Variants in MAGI2 observed in about 807,000 individuals in gnomAD.
The protein encoded by MAGI2 is membrane-associated guanylate kinase, WW and PDZ domain-containing protein 2.
A neutral mutation model predicts 133.3 loss-of-function variants in MAGI2; 35 were observed. The observed-to-expected ratio is 0.26, with a 90% CI of 0.20 to 0.35. MAGI2 has a LOEUF of 0.35. MAGI2 is among the 10% of genes least tolerant of loss of function. The pLI is 1.00. For missense variants in MAGI2, 1,636 were observed against 1,863.4 expected (o/e 0.88, Z 2.25); for synonymous variants, 729 against 710.6 (o/e 1.03, Z -0.41).
At chr7:78,306,200 G>GT (rs1798233442) in intron 9 of MAGI2, among the ~76,000 whole-genome samples, 1 of 152,136 alleles carries the variant, frequency 6.6e-6, no homozygotes, top group Non-Finnish European at 1.5e-5. Context: ...TAATTGGCAG[G>GT]TCTTTTTAAG....
chr7:78,536,138 A>C (rs905004361), intron 3 of MAGI2, among the ~76,000 whole-genome samples: 3 of 73,492 alleles, frequency 4.1e-5, no homozygotes, highest in Non-Finnish European at 7.0e-5. Flanking sequence ...TTTGAGACGG[A>C]GTCTCGCTCT....
intron 9 of MAGI2, among the ~76,000 whole-genome samples, chr7:78,334,655 C>T (rs1485018478): frequency 6.6e-6 from 1 of 152,162 alleles, no homozygotes; most frequent in Non-Finnish European, 1.5e-5. Flanking sequence ...GTTTGCAAAG[C>T]TGTACAGTAG....
intron 2 of MAGI2, among the ~76,000 whole-genome samples, chr7:78,737,708 T>C (rs1323788768): frequency 6.6e-6 from 1 of 152,192 alleles, no homozygotes; most frequent in East Asian, 1.9e-4. Flanking sequence ...CTATTTTTTG[T>C]TTTGGAAAAT....
chr7:79,379,324 A>G (rs375861078), intron 1 of MAGI2, among the ~76,000 whole-genome samples: 9 of 151,802 alleles, frequency 5.9e-5, no homozygotes, highest in Non-Finnish European at 1.0e-4. Flanking sequence ...GTATTCCATG[A>G]TGTATATGTG....
rs568810969 is a variant in MAGI2 at position 78,087,361 on chromosome 7, T to C, written c.3568-8276A>G. Among the ~76,000 whole-genome samples, 7 of 152,318 alleles carry C rather than the reference T, an allele frequency of 4.6e-5. 1 individual carries two copies. The South Asian group carries it at 1.5e-3, about 32-fold the overall frequency. On this transcript the variant is annotated intron_variant, in intron 20 of 21. Transcript: ENST00000354212. ...AATTCTAATTTGGTTTCATAATATA[T>C]GTCAACCAGGTTTGATCATGATCAA...
intron 1 of MAGI2, among the ~76,000 whole-genome samples, chr7:79,257,699 T>G (rs1333079167): frequency 6.6e-6 from 1 of 152,198 alleles, no homozygotes; most frequent in African/African-American, 2.4e-5. Context: ...TGGGGACTGC[T>G]CTAAAACAAA....
At chr7:79,068,233 C>T (rs111622643) in intron 1 of MAGI2, among the ~76,000 whole-genome samples, 19 of 152,232 alleles carry the variant, frequency 1.2e-4, no homozygotes, top group African/African-American at 3.6e-4. Flanking sequence ...CCATCTGGTC[C>T]TGGACTTCTT....
At chr7:79,375,917 T>A (rs1585753909) in intron 1 of MAGI2, among the ~76,000 whole-genome samples, 1 of 151,952 alleles carries the variant, frequency 6.6e-6, no homozygotes. Context: ...ATCAGATATA[T>A]GCTTTAAATG....
At chr7:78,701,042 T>C (rs1191687404) in intron 2 of MAGI2, among the ~76,000 whole-genome samples, 1 of 151,456 alleles carries the variant, frequency 6.6e-6, no homozygotes, top group East Asian at 1.9e-4. Context: ...AAGTCTACAA[T>C]ATATTTTGTT....
At chr7:79,409,464 G>GT (rs113037002) in intron 1 of MAGI2, among the ~76,000 whole-genome samples, 19,551 of 145,816 alleles carry the variant, frequency 0.13, 1,408 homozygotes, top group South Asian at 0.27. Context: ...TTTTCTTTCT[G>GT]TTTTTTTTTT....
At chr7:78,119,281 C>T (rs559207466) in intron 20 of MAGI2, among the ~76,000 whole-genome samples, 3 of 152,194 alleles carry the variant, frequency 2.0e-5, no homozygotes, top group East Asian at 1.9e-4. Context: ...CGACACCGGC[C>T]GGGGGCAGTG....
At chr7:78,083,444 CAG>C (rs1816273973) in intron 20 of MAGI2, among the ~76,000 whole-genome samples, 1 of 102,108 alleles carries the variant, frequency 9.8e-6, no homozygotes, top group South Asian at 3.2e-4. Flanking sequence ...GAGAGAGAGA[CAG>C]AGATACTAAA....
chr7:78,577,084 C>A (rs28439811), intron 3 of MAGI2, among the ~76,000 whole-genome samples: 13,300 of 152,184 alleles, frequency 0.087, 1,499 homozygotes, highest in East Asian at 0.51. Flanking sequence ...TACTTAACAC[C>A]GTGCTTTCTA....
intron 10 of MAGI2, among the ~76,000 whole-genome samples, chr7:78,220,846 G>A (rs1187052710): frequency 1.3e-5 from 2 of 152,208 alleles, no homozygotes; most frequent in African/African-American, 2.4e-5. Context: ...TTGTCCTGCT[G>A]TGTTAGGAAA....
chr7:78,481,406 C>A (rs1792358428), intron 6 of MAGI2, among the ~76,000 whole-genome samples: 1 of 151,874 alleles, frequency 6.6e-6, no homozygotes, highest in Admixed American at 6.6e-5. Flanking sequence ...GGCAAACTGC[C>A]CCATAATTCA....
At chr7:78,512,266 G>A (rs150092561) in intron 4 of MAGI2, among the ~76,000 whole-genome samples, 1 of 152,110 alleles carries the variant, frequency 6.6e-6, no homozygotes, top group Non-Finnish European at 1.5e-5. Context: ...GGGAGAAAAC[G>A]TAAGTCTAGA....
At chr7:78,480,297 A>T (rs2215933) in intron 6 of MAGI2, among the ~76,000 whole-genome samples, 55,630 of 151,194 alleles carry the variant, frequency 0.37, 10,584 homozygotes, top group East Asian at 0.6. Context: ...TCTTTTCCAG[A>T]AAACAGAAGA....
At chr7:78,892,950 A>G (rs1271672241) in intron 2 of MAGI2, among the ~76,000 whole-genome samples, 1 of 151,914 alleles carries the variant, frequency 6.6e-6, no homozygotes, top group African/African-American at 2.4e-5. Flanking sequence ...GCAACCTACA[A>G]AATGGGAGAA....
chr7:78,767,372 T>C (rs887837721), intron 2 of MAGI2, among the ~76,000 whole-genome samples: 8 of 151,964 alleles, frequency 5.3e-5, no homozygotes, highest in African/African-American at 1.7e-4. Context: ...ACAATTAAAA[T>C]TCTGTTATCT....
Sources: gnomAD v4.1 joint callset for allele counts (sites outside exome capture counted in the v4.1 genomes callset) on GRCh38, gnomAD v4.1.1 for gene constraint, MANE v1.5 for transcripts, NCBI Gene and HGNC (gene_info 2026-07-23, HGNC 2026-07-21) for gene names.